RARA: variants seen among roughly 807,000 people sequenced by gnomAD.
RARA encodes the protein PML-DDX5-RARA fusion.
In RARA, 5 loss-of-function variants were observed where a neutral mutation model predicts 42.8. The observed-to-expected ratio is 0.12, with a 90% confidence interval of 0.06 to 0.25. The LOEUF is 0.25. Ranked by LOEUF, RARA falls within the 10% of genes least tolerant of loss-of-function variation. The pLI is 1.00. For missense variants in RARA, 402 were observed against 628.7 expected, an observed-to-expected ratio of 0.64 and a Z score of 3.86; for synonymous variants, 256 against 259.5, an observed-to-expected ratio of 0.99 and a Z score of 0.13.
At chr17:40,310,844 A>G (rs999962675) in intron 1 of RARA, among the ~76,000 whole-genome samples, 3 of 151,956 alleles carry the variant, frequency 2.0e-5, no homozygotes, top group African/African-American at 7.3e-5. Context: ...TGGCTGGGGG[A>G]ATCTAGGATG....
Position 40,310,451 on chromosome 17 carries a change from A to G in RARA, c.-363+1165A>G, listed in dbSNP as rs79119235. On this transcript the variant is annotated intron_variant, in intron 1 of 8. Coordinates refer to ENST00000254066, the MANE Select transcript of RARA (RefSeq NM_000964.4). ...ACTGAGGGAACTCCTCTAGCAATCA[A>G]TGTATGATAGGAATGGGTGGCATGT... 8.3e-3 allele frequency among the ~76,000 whole-genome samples: 1,260 copies of G among 152,180 alleles called. 22 individuals are homozygous for G. Among genetic ancestry groups the G allele is most frequent in the East Asian group, 0.032 (164 of 5,172 alleles).
intron 1 of RARA, among the ~76,000 whole-genome samples, chr17:40,317,848 G>A (rs536927387): frequency 2.1e-4 from 32 of 152,216 alleles, no homozygotes; most frequent in Admixed American, 2.0e-3. Flanking sequence ...TAGGGCAGGA[G>A]TCACCGCACT....
At chr17:40,319,973 G>C (rs531144337) in intron 1 of RARA, among the ~76,000 whole-genome samples, 10 of 152,286 alleles carry the variant, frequency 6.6e-5, no homozygotes, top group African/African-American at 2.4e-4. Context: ...GCTGGAGGGA[G>C]CTGGGACATC....
At chr17:40,338,100 G>A (rs1051023362) in intron 2 of RARA, among the ~76,000 whole-genome samples, 1 of 152,230 alleles carries the variant, frequency 6.6e-6, no homozygotes, top group African/African-American at 2.4e-5. Context: ...GCATAGACGC[G>A]GGGAGGGAAC....
Position 40,355,328 on chromosome 17 carries a change from A to C in RARA, c.1078A>C (p.Lys360Gln), listed in dbSNP as rs2034584798. Residue 360 changes from lysine to glutamine, a missense_variant, in exon 8 of 9, where the codon AAG becomes CAG. Coordinates refer to ENST00000254066, the MANE Select transcript of RARA (RefSeq NM_000964.4). This position sits in a 1 kb window ranked among gnomAD's most constrained non-coding sequence, Gnocchi z 4.1. ...MLQEPLLEAL[K>Q]VYVRKRRPSR... ...GCAGGAGCCGCTGCTGGAGGCGCTA[A>C]AGGTCTACGTGCGGAAGCGGAGGCC... is the stretch of plus-strand genomic sequence containing the variant. The C allele has an allele frequency of 6.2e-7, 1 of 1,612,010 alleles. No homozygotes were observed. Among genetic ancestry groups the C allele is most frequent in the South Asian group, 1.1e-5 (1 of 90,684 alleles).
In RARA at chr17:40,351,976, C is replaced by T. The variant is rs375401606; in HGVS notation, c.536C>T (p.Thr179Met). The T allele has an allele frequency of 1.2e-5, 19 of 1,607,888 alleles. No individual in the cohort carries two copies. Among genetic ancestry groups the T allele is most frequent in the South Asian group, 7.7e-5 (7 of 90,542 alleles). ...AAGCCCGAGTGCTCTGAGAGCTACA[C>T]GCTGACGCCGGAGGTGGGGGAGCTC... ...VPKPECSESY[T>M]LTPEVGELIE... is the part of the protein sequence containing the mutation. Residue 179 changes from threonine (T) to methionine (M), a missense_variant, in exon 5 of 9, where the codon ACG becomes ATG. Transcript: ENST00000254066. This position sits in a 1 kb window ranked among gnomAD's most constrained non-coding sequence, Gnocchi z 4.1.
In RARA at chr17:40,326,375, G is replaced by T. The variant is rs756266908; in HGVS notation, c.-362-4482G>T. The T allele has an allele frequency of 6.6e-6, 1 of 152,278 alleles. No homozygotes were observed. The highest frequency in any genetic ancestry group is 2.4e-5 in the African/African-American group (1 of 41,472). The allele number at this position is 152,278 out of a possible 1,614,324, so 9.4% of individuals were successfully genotyped here. ...TGCTTAGAGAGGTTAAGTGACTTGC[G>T]TAAGGTCACCCAGAGTGGCAGAGCT... On this transcript the variant is annotated intron_variant, in intron 1 of 8. Transcript: ENST00000254066. The surrounding 1 kb of genome is among the most constrained non-coding windows in gnomAD (Gnocchi z 5.2).
Position 40,351,650 on chromosome 17 carries a change from A to C in RARA, c.470-260A>C. ...CGTGGGGGATAGCATGCGGCTGGCT[A>C]TGGGGTGGGGTGGGGGGTGTGTGCA... On this transcript the variant is annotated intron_variant, in intron 4 of 8. Coordinates refer to ENST00000254066, the MANE Select transcript of RARA (RefSeq NM_000964.4). This position sits in a 1 kb window ranked among gnomAD's most constrained non-coding sequence, Gnocchi z 4.1. 7.5e-6 allele frequency: 4 copies of C among 530,616 alleles called. No homozygotes were observed. The highest frequency in any genetic ancestry group is 3.5e-5 in the East Asian group (1 of 28,958). The allele number at this position is 530,616 out of a possible 1,614,324, so 32.9% of individuals were successfully genotyped here. A position where few individuals can be genotyped will look rare whatever the true frequency, so the allele number is the denominator to read the frequency against.
chr17:40,325,531 G>T (rs2033518923), intron 1 of RARA, among the ~76,000 whole-genome samples: 1 of 152,138 alleles, frequency 6.6e-6, no homozygotes, highest in South Asian at 2.1e-4. Flanking sequence ...GTATGGGAGT[G>T]TGTTTTCCTG....
Position 40,355,390 on chromosome 17 carries a change from G to A in RARA, c.1140G>A (p.Lys380=). The change falls in exon 8 of 9, where the codon AAG becomes AAA. Residue 380 remains lysine (K), a synonymous_variant. Coordinates refer to ENST00000254066, the MANE Select transcript of RARA (RefSeq NM_000964.4). This position sits in a 1 kb window ranked among gnomAD's most constrained non-coding sequence, Gnocchi z 4.1. ...ACATGTTCCCCAAGATGCTAATGAA[G>A]ATTACTGACCTGCGAAGCATCAGCG... ...RPHMFPKMLM[K]ITDLRSISAK... is the part of the protein sequence containing the mutation. 9 of 1,614,030 alleles carry A rather than the reference G, an allele frequency of 5.6e-6. No homozygotes were observed. Among genetic ancestry groups the A allele is most frequent in the Non-Finnish European group, 6.8e-6 (8 of 1,179,946 alleles).
chr17:40,319,856 G>A (rs1030856781), intron 1 of RARA, among the ~76,000 whole-genome samples: 31 of 152,286 alleles, frequency 2.0e-4, no homozygotes, highest in Admixed American at 1.6e-3. Flanking sequence ...GCTGGGGGAA[G>A]GAACAAGAGA....
At chr17:40,321,477 C>T (rs1270293971) in intron 1 of RARA, among the ~76,000 whole-genome samples, 1 of 152,296 alleles carries the variant, frequency 6.6e-6, no homozygotes, top group South Asian at 2.1e-4. Flanking sequence ...CACTCTAGCC[C>T]GCCCACCTGG....
chr17:40,350,036 A>G (rs2034391737), intron 4 of RARA, 111 bp downstream of exon 4: 8 of 1,491,422 alleles, frequency 5.4e-6, no homozygotes, highest in Admixed American at 4.2e-5. Context: ...ATGAACACGC[A>G]TGCCGTGGTG....
At position 40,321,000 on chromosome 17, in the gene RARA, C is replaced by G. The variant is rs1248248514; in HGVS notation, c.-362-9857C>G. ...GCAACTGATACCCCGGCTCCCAGGG[C>G]TTTGGCTGAACATTCTCTCTGACGC... is the stretch of plus-strand genomic sequence containing the variant. On this transcript the variant is annotated intron_variant, in intron 1 of 8. Coordinates refer to ENST00000254066, the MANE Select transcript of RARA (RefSeq NM_000964.4). The surrounding 1 kb of genome is among the most constrained non-coding windows in gnomAD (Gnocchi z 4.1). 6.6e-6 allele frequency among the ~76,000 whole-genome samples: 1 copy of G among 152,132 alleles called. No individual in the cohort carries two copies. The highest frequency in any genetic ancestry group is 1.9e-4 in the East Asian group (1 of 5,200).
chr17:40,348,633 C>T (rs2034345065), intron 3 of RARA, 169 bp downstream of exon 3: 11 of 812,678 alleles, frequency 1.4e-5, no homozygotes, highest in Non-Finnish European at 2.0e-5. Context: ...CCCCACAGGT[C>T]CTCCCCCATA....
At chr17:40,335,075 A>G (rs1413924965) in intron 2 of RARA, among the ~76,000 whole-genome samples, 1 of 151,842 alleles carries the variant, frequency 6.6e-6, no homozygotes, top group Non-Finnish European at 1.5e-5. Context: ...GGGTGGGGTC[A>G]CGGTTGGGTG....
At chr17:40,353,480 A>G (rs2034517975) in intron 6 of RARA, among the ~76,000 whole-genome samples, 1 of 151,562 alleles carries the variant, frequency 6.6e-6, no homozygotes, top group Non-Finnish European at 1.5e-5. Context: ...ATGGAGTTTC[A>G]CTCTTGTCAC....
chr17:40,330,113 C>T (rs1053450818), intron 1 of RARA, among the ~76,000 whole-genome samples: 2 of 152,194 alleles, frequency 1.3e-5, no homozygotes, highest in Non-Finnish European at 1.5e-5. Flanking sequence ...GCCCACCTCC[C>T]ACCCCAGTTC....
At chr17:40,311,400 A>G (rs1258646102) in intron 1 of RARA, among the ~76,000 whole-genome samples, 1 of 152,000 alleles carries the variant, frequency 6.6e-6, no homozygotes, top group Non-Finnish European at 1.5e-5. Flanking sequence ...AAACACACCA[A>G]GGTCCTCAGG....
Sources: gnomAD v4.1 joint callset for allele counts (sites outside exome capture counted in the v4.1 genomes callset) on GRCh38, gnomAD v4.1.1 for gene constraint, Gnocchi (gnomAD v3.1) non-coding constraint, MANE v1.5 for transcripts, NCBI Gene and HGNC (gene_info 2026-07-23, HGNC 2026-07-21) for gene names.